FKBP1B: variants seen among roughly 807,000 people sequenced by gnomAD.
FKBP1B encodes peptidyl-prolyl cis-trans isomerase FKBP1B.
In FKBP1B, 4 loss-of-function variants were observed where a neutral mutation model predicts 13.5. The observed-to-expected ratio is 0.30, with a 90% CI of 0.15 to 0.68. The LOEUF (loss-of-function observed/expected upper bound fraction) is 0.68, where lower values mean the gene tolerates loss of function less well. Among genes scored for constraint, FKBP1B ranks in the 30% least tolerant of loss-of-function variants. The probability of loss-of-function intolerance (pLI) is 0.76; values close to 1 mark genes in which losing one functional copy is unlikely to be tolerated. For synonymous variants in FKBP1B, 54 were observed against 53.6 expected, an observed-to-expected ratio of 1.01 and a Z score of -0.03; for missense variants, 93 against 136.2, an observed-to-expected ratio of 0.68 and a Z score of 1.58.
At chr2:24,038,753 G>A in the FKBP1B span, 1 of 1,614,154 alleles carries the variant, frequency 6.2e-7, no homozygotes, top group African/African-American at 1.3e-5. Context: ...AAAGCATACG[G>A]AGTCATGTCT....
the FKBP1B span, among the ~76,000 whole-genome samples, chr2:24,033,740 CTAAATAAA>C: frequency 9.9e-5 from 15 of 151,906 alleles, no homozygotes; most frequent in African/African-American, 3.4e-4. Context: ...GACTCCATCT[CTAAATAAA>C]TAAATAAATG....
chr2:24,037,841 T>G, the FKBP1B span: 1 of 1,614,210 alleles, frequency 6.2e-7, no homozygotes, highest in Non-Finnish European at 8.5e-7. Flanking sequence ...TAAGTTTCCT[T>G]TTCACTTTGT....
the FKBP1B span, among the ~76,000 whole-genome samples, chr2:24,034,700 A>G: frequency 6.6e-6 from 1 of 151,786 alleles, no homozygotes; most frequent in Non-Finnish European, 1.5e-5. Context: ...CAGCCTCCCA[A>G]GTAGCTGGGA....
In FKBP1B at chr2:24,049,828, A is replaced by G; in HGVS notation, c.-22A>G. On this transcript the variant is annotated 5_prime_UTR_variant, in exon 1 of 4. Transcript: ENST00000380986. ...TCGGGCAGCAGCAGGGACCCCCCAG[A>G]GGCGGGGCCTGTGGGACCGCTATGG... 1 of 1,373,002 alleles carries G rather than the reference A, an allele frequency of 7.3e-7. No homozygotes were observed. The highest frequency in any genetic ancestry group is 9.4e-7 in the Non-Finnish European group (1 of 1,060,688). The allele number at this position is 1,373,002 out of a possible 1,614,324, so 85.1% of individuals were successfully genotyped here.
the FKBP1B span, chr2:24,037,747 T>C: frequency 7.4e-6 from 12 of 1,614,128 alleles, no homozygotes; most frequent in South Asian, 1.1e-5. Flanking sequence ...CTTCCCATTA[T>C]GCAGACGGTT....
At chr2:24,035,314 TCCCTTTTGTGTAACAAAAGGGGAAATAAA>T in the FKBP1B span, among the ~76,000 whole-genome samples, 11,258 of 151,964 alleles carry the variant, frequency 0.074, 484 homozygotes, top group African/African-American at 0.097. Context: ...TATATCACCT[TCCCTTTTGTGTAACAAAAGGGGAAATAAA>T]AATACATAAC....
chr2:24,036,101 T>TAAATA, the FKBP1B span, among the ~76,000 whole-genome samples: 10 of 148,286 alleles, frequency 6.7e-5, no homozygotes, highest in Admixed American at 4.0e-4. Flanking sequence ...AATAAATAAA[T>TAAATA]AAATAAAATA....
At chr2:24,045,842 C>G (rs1663606828), upstream of FKBP1B, 1 of 152,036 alleles carries the variant, frequency 6.6e-6, no homozygotes, top group Non-Finnish European at 1.5e-5. Flanking sequence ...TGGGTGCTCA[C>G]TTTGGCAGCA....
Position 24,063,351 on chromosome 2 carries a change from G to A in FKBP1B, c.*159G>A, listed in dbSNP as rs1664488993. 4 of 634,134 alleles carry A rather than the reference G, an allele frequency of 6.3e-6. No homozygotes were observed. The highest frequency in any genetic ancestry group is 3.7e-5 in the Admixed American group (1 of 27,220). The allele number at this position is 634,134 out of a possible 1,614,324, so 39.3% of individuals were successfully genotyped here. On this transcript the variant is annotated 3_prime_UTR_variant, in exon 4 of 4. Coordinates refer to ENST00000380986, the MANE Select transcript of FKBP1B (RefSeq NM_004116.5). Reference sequence around the variant, plus strand: ...TCTCTCTGCCCAAGTTGCTCTGTATGTGTTCGTCAGTGTTCATGCGAATTC... The same window carrying A: ...TCTCTCTGCCCAAGTTGCTCTGTATATGTTCGTCAGTGTTCATGCGAATTC...
At chr2:24,060,387 A>C (rs1341750206) in intron 2 of FKBP1B, among the ~76,000 whole-genome samples, 1 of 152,132 alleles carries the variant, frequency 6.6e-6, no homozygotes, top group East Asian at 1.9e-4. Flanking sequence ...CCCTGTTTCT[A>C]CTAAAAATAC....
intron 3 of FKBP1B, among the ~76,000 whole-genome samples, chr2:24,061,422 C>T (rs1002121877): frequency 6.6e-6 from 1 of 152,098 alleles, no homozygotes; most frequent in Non-Finnish European, 1.5e-5. Context: ...CCACTGTACT[C>T]CAGCCCAGGC....
At chr2:24,059,891 A>T (rs1278990050) in intron 2 of FKBP1B, among the ~76,000 whole-genome samples, 2 of 107,334 alleles carry the variant, frequency 1.9e-5, no homozygotes, top group African/African-American at 3.6e-5. Flanking sequence ...GGAGACTCCG[A>T]CTCAAAAAAA....
upstream of FKBP1B, chr2:24,045,889 G>A (rs1329771000): frequency 6.6e-6 from 1 of 152,048 alleles, no homozygotes; most frequent in African/African-American, 2.4e-5. Flanking sequence ...AGCGTAGCAT[G>A]GCCCCTGCAC....
rs1663799985 is a variant in FKBP1B at position 24,050,195 on chromosome 2, G to A, written c.37+309G>A. 6.6e-6 allele frequency among the ~76,000 whole-genome samples: 1 copy of A among 152,122 alleles called. No homozygotes were observed. The highest frequency in any genetic ancestry group is 2.4e-5 in the African/African-American group (1 of 41,430). On this transcript the variant is annotated intron_variant, in intron 1 of 3. Transcript: ENST00000380986. The surrounding 1 kb of genome is among the most constrained non-coding windows in gnomAD (Gnocchi z 5.8). ...CGCGGCTGCAGTCGTTCGGTTATCC[G>A]CTGCTGCTGATACCCCAGCCTGGGT...
At chr2:24,038,903 G>A in the FKBP1B span, 1 of 1,614,202 alleles carries the variant, frequency 6.2e-7, no homozygotes, top group Non-Finnish European at 8.5e-7. Context: ...TCAAACACCA[G>A]GCAGGAGGAG....
At chr2:24,059,372 T>TG (rs71395181) in intron 2 of FKBP1B, among the ~76,000 whole-genome samples, 40,154 of 144,444 alleles carry the variant, frequency 0.28, 6,173 homozygotes, top group South Asian at 0.39. Context: ...GACCAGCACC[T>TG]GGGGGGGGGT....
the FKBP1B span, chr2:24,039,090 A>C: frequency 1.2e-6 from 2 of 1,614,222 alleles, no homozygotes; most frequent in Non-Finnish European, 1.7e-6. Flanking sequence ...AAATGGAGAC[A>C]TCCTGAGCAG....
the FKBP1B span, among the ~76,000 whole-genome samples, chr2:24,033,467 C>A: frequency 6.6e-6 from 1 of 152,172 alleles, no homozygotes; most frequent in Non-Finnish European, 1.5e-5. Flanking sequence ...ATTGGCTGGG[C>A]ACAGTGGCTC....
chr2:24,042,100 A>G, the FKBP1B span, among the ~76,000 whole-genome samples: 2 of 152,130 alleles, frequency 1.3e-5, no homozygotes, highest in Non-Finnish European at 2.9e-5. Context: ...CAGACTGAGA[A>G]AGACTAATTT....
Sources: gnomAD v4.1 joint callset for allele counts (sites outside exome capture counted in the v4.1 genomes callset) on GRCh38, gnomAD v4.1.1 for gene constraint, Gnocchi (gnomAD v3.1) non-coding constraint, MANE v1.5 for transcripts, NCBI Gene and HGNC (gene_info 2026-07-23, HGNC 2026-07-21) for gene names.